Variants in OR51B5 observed in about 807,000 individuals in gnomAD.
The protein encoded by OR51B5 is olfactory receptor family 51 subfamily B member 5, also known as olfactory receptor 51B5.
For missense variants in OR51B5, 456 were observed against 374.6 expected (o/e 1.22, Z -1.79); for synonymous variants, 186 against 144.8 (o/e 1.28, Z -2.04).
At chr11:5,486,254 T>G (rs989784765) in intron 1 of OR51B5, among the ~76,000 whole-genome samples, 3 of 152,140 alleles carry the variant, frequency 2.0e-5, no homozygotes, top group East Asian at 3.8e-4. Context: ...TCTGTTTTAT[T>G]TTTTCAAAGT....
chr11:5,449,542 G>A (rs1458117060), intron 1 of OR51B5, among the ~76,000 whole-genome samples: 2 of 152,158 alleles, frequency 1.3e-5, no homozygotes. Context: ...TGGACTTGGG[G>A]TTCTTGTTCT....
chr11:5,412,373 G>A (rs7106233), intron 1 of OR51B5, among the ~76,000 whole-genome samples: 3 of 151,952 alleles, frequency 2.0e-5, no homozygotes, highest in African/African-American at 4.8e-5. Flanking sequence ...TGCAGAAGAC[G>A]GGTGATTTCT....
At chr11:5,426,068 G>A (rs1306191948) in intron 1 of OR51B5, among the ~76,000 whole-genome samples, 6 of 152,152 alleles carry the variant, frequency 3.9e-5, no homozygotes, top group Admixed American at 2.0e-4. Flanking sequence ...ACGAAGATGC[G>A]AATGAATCCA....
At chr11:5,487,198 A>C (rs559930013) in intron 1 of OR51B5, among the ~76,000 whole-genome samples, 1 of 152,284 alleles carries the variant, frequency 6.6e-6, no homozygotes, top group South Asian at 2.1e-4. Flanking sequence ...TGGTCTTTTC[A>C]TTGGTTAGGG....
intron 1 of OR51B5, among the ~76,000 whole-genome samples, chr11:5,480,310 G>A (rs1011218382): frequency 1.7e-4 from 26 of 150,484 alleles, no homozygotes; most frequent in Non-Finnish European, 2.5e-4. Context: ...TGAAACCAAC[G>A]AGAACAAAGA....
In OR51B5 at chr11:5,352,218, C is replaced by T. The variant is rs767448982; in HGVS notation, n.85-5308G>A. 6 of 1,614,026 alleles carry T rather than the reference C, an allele frequency of 3.7e-6. 1 individual carries two copies. The Admixed American group carries it at 5.0e-5, about 13-fold the overall frequency. On this transcript the variant is annotated intron_variant and non_coding_transcript_variant, in intron 1 of 4. Coordinates refer to the OR51B5 transcript ENST00000415970. ...GAGGAGAAAGGGCCAAGGCCCTCAA[C>T]ACATGTGTCTCTCATATCTGCTGCA...
intron 1 of OR51B5, among the ~76,000 whole-genome samples, chr11:5,419,057 A>G (rs2647579): frequency 0.12 from 18,370 of 151,950 alleles, 1,239 homozygotes; most frequent in East Asian, 0.24. Context: ...ACATCTGAGG[A>G]CTTACTTTTG....
At position 5,386,133 on chromosome 11, in the gene OR51B5, T is replaced by C. The variant is rs192693046; in HGVS notation, n.85-39223A>G. ...TACTAAGTCTTAAAGGATCCGCAAG[T>C]GTTTACTGGTTGGAAAAACAGGGGT... On this transcript the variant is annotated intron_variant and non_coding_transcript_variant, in intron 1 of 4. Coordinates refer to the OR51B5 transcript ENST00000415970. 2.0e-5 allele frequency among the ~76,000 whole-genome samples: 3 copies of C among 152,184 alleles called. No homozygotes were observed. The East Asian group carries it at 5.8e-4, about 29-fold the overall frequency.
At chr11:5,479,067 A>G (rs1374116729) in intron 1 of OR51B5, among the ~76,000 whole-genome samples, 3 of 151,876 alleles carry the variant, frequency 2.0e-5, no homozygotes, top group Admixed American at 2.0e-4. Flanking sequence ...TATCAGATTC[A>G]CCAAAGTTGA....
intron 1 of OR51B5, chr11:5,453,368 T>C (rs1850886559): frequency 1.6e-6 from 1 of 626,612 alleles, no homozygotes; most frequent in Non-Finnish European, 2.6e-6. Context: ...AGTTTCCATT[T>C]ATGTCAACAT....
chr11:5,426,971 CATT>C (rs1316022523), intron 1 of OR51B5, among the ~76,000 whole-genome samples: 1 of 150,338 alleles, frequency 6.7e-6, no homozygotes, highest in Non-Finnish European at 1.5e-5. Context: ...ACCTGGGAGA[CATT>C]ATCTGCACGA....
At chr11:5,352,080 C>T (rs776415279) in intron 1 of OR51B5, 4 of 1,613,958 alleles carry the variant, frequency 2.5e-6, no homozygotes, top group Middle Eastern at 1.6e-4. Context: ...CTGACATCAC[C>T]TTCAACCGTC....
intron 1 of OR51B5, among the ~76,000 whole-genome samples, chr11:5,372,516 A>T (rs1270408628): frequency 6.6e-6 from 1 of 152,112 alleles, no homozygotes; most frequent in African/African-American, 2.4e-5. Context: ...ATGATTGGTG[A>T]TGTAGTGCAC....
At position 5,407,885 on chromosome 11, in the gene OR51B5, TCCA is replaced by T. The variant is rs147461313; in HGVS notation, n.85-60978_85-60976del. Reference sequence around the variant, plus strand: ...CCTATCAATAATGATTAATTTTGTATCCACATTTTAATAAAATGTTATTGACAA... The same window carrying T: ...CCTATCAATAATGATTAATTTTGTATCATTTTAATAAAATGTTATTGACAA... On this transcript the variant is annotated intron_variant and non_coding_transcript_variant, in intron 1 of 4. Coordinates refer to the OR51B5 transcript ENST00000415970. 5.2e-3 allele frequency among the ~76,000 whole-genome samples: 798 copies of T among 152,270 alleles called. 7 individuals are homozygous for T. The highest frequency in any genetic ancestry group is 0.018 in the African/African-American group (748 of 41,578).
At position 5,482,049 on chromosome 11, in the gene OR51B5, G is replaced by T. The variant is rs1370928148; in HGVS notation, n.84+23520C>A. ...CCAAAAAAGAGCCTGCATCACCAAGGCAATCCTAAGCCAAAAGAACAAAGC... is the reference window on the plus strand; with the variant it reads ...CCAAAAAAGAGCCTGCATCACCAAGTCAATCCTAAGCCAAAAGAACAAAGC... On this transcript the variant is annotated intron_variant and non_coding_transcript_variant, in intron 1 of 4. Transcript: ENST00000415970. Among the ~76,000 whole-genome samples, 9 of 119,850 alleles carry T rather than the reference G, an allele frequency of 7.5e-5. 2 individuals carry two copies. Among genetic ancestry groups the T allele is most frequent in the East Asian group, 3.3e-4 (1 of 3,026 alleles). 78.6% of individuals were successfully genotyped at this position (119,850 alleles called of 152,430 possible). A position where few individuals can be genotyped will look rare whatever the true frequency, so the allele number is the denominator to read the frequency against.
At chr11:5,381,588 A>T (rs1470307343) in intron 1 of OR51B5, among the ~76,000 whole-genome samples, 3 of 152,224 alleles carry the variant, frequency 2.0e-5, no homozygotes, top group African/African-American at 7.2e-5. Flanking sequence ...CAAGACCATG[A>T]CATGTTAATC....
At chr11:5,468,864 G>A (rs899346171) in intron 1 of OR51B5, 1 of 418,124 alleles carries the variant, frequency 2.4e-6, no homozygotes, top group African/African-American at 2.0e-5. Flanking sequence ...AGCCGAATCA[G>A]GTCTGCATGC....
chr11:5,490,153 T>G (rs1851561273), intron 1 of OR51B5, among the ~76,000 whole-genome samples: 1 of 152,218 alleles, frequency 6.6e-6, no homozygotes, highest in Admixed American at 6.5e-5. Flanking sequence ...GAAATGTTTC[T>G]GTGCCTCAGT....
rs745937344 is a variant in OR51B5 at position 5,488,736 on chromosome 11, T to A, written n.84+16833A>T. ...CAGATTCCAACCTCAGTGATAACCA[T>A]CTTCCAGACACCTTCTTCTTAACAG... On this transcript the variant is annotated intron_variant and non_coding_transcript_variant, in intron 1 of 4. Coordinates refer to the OR51B5 transcript ENST00000415970. 1.2e-6 allele frequency: 2 copies of A among 1,613,660 alleles called. No homozygotes were observed. The highest frequency in any genetic ancestry group is 1.7e-5 in the Admixed American group (1 of 59,952).
Sources: gnomAD v4.1 joint callset for allele counts (sites outside exome capture counted in the v4.1 genomes callset) on GRCh38, gnomAD v4.1.1 for gene constraint, MANE v1.5 for transcripts, NCBI Gene and HGNC (gene_info 2026-07-23, HGNC 2026-07-21) for gene names.